Variants in C10orf53 observed in about 807,000 individuals in gnomAD.
The protein encoded by C10orf53 is UPF0728 protein C10orf53.
C10orf53 carries 8 observed loss-of-function variants against 9.4 expected under a neutral mutation model. The ratio of observed to expected loss-of-function variants is 0.85; its 90% confidence interval spans 0.50 to 1.53. The LOEUF is 1.53. C10orf53 is among the 40% of genes most tolerant of loss of function. The pLI, the probability that C10orf53 is intolerant of heterozygous loss-of-function variation, is 0.00. For synonymous variants in C10orf53, 48 were observed against 46.0 expected (o/e 1.04, Z -0.18); for missense variants, 117 against 117.8 (o/e 0.99, Z 0.03).
intron 1 of C10orf53, among the ~76,000 whole-genome samples, chr10:49,683,942 T>C (rs1840503702): frequency 6.6e-6 from 1 of 152,212 alleles, no homozygotes; most frequent in African/African-American, 2.4e-5. Context: ...TATGCAGATT[T>C]GCCCCCATGT....
At chr10:49,698,737 T>C (rs899569983), downstream of C10orf53, among the ~76,000 whole-genome samples, 2 of 152,116 alleles carry the variant, frequency 1.3e-5, no homozygotes, top group African/African-American at 4.8e-5. Context: ...GAGACAGTGG[T>C]GTAATCAGGC....
At chr10:49,692,892 G>A (rs747324275) in intron 1 of C10orf53, among the ~76,000 whole-genome samples, 89 of 152,218 alleles carry the variant, frequency 5.8e-4, no homozygotes, top group Middle Eastern at 3.4e-3. Context: ...TAGTTCATTA[G>A]CTTTTCTAAA....
At chr10:49,688,761 G>A (rs770999071) in intron 1 of C10orf53, among the ~76,000 whole-genome samples, 1 of 152,098 alleles carries the variant, frequency 6.6e-6, no homozygotes, top group Non-Finnish European at 1.5e-5. Context: ...CGCCTGGAAC[G>A]CTCTTTCCTA....
chr10:49,701,500 G>A (rs1258329), downstream of C10orf53, among the ~76,000 whole-genome samples: 57,157 of 151,986 alleles, frequency 0.38, 12,874 homozygotes, highest in East Asian at 0.81. Context: ...TTTTTCATAC[G>A]TTTTAAGTCT....
rs778892175 is a variant in C10orf53 at position 49,694,580 on chromosome 10, T to C, written c.260T>C (p.Ile87Thr). The C allele has an allele frequency of 5.0e-6, 8 of 1,614,240 alleles. No homozygotes were observed. Among genetic ancestry groups the C allele is most frequent in the Non-Finnish European group, 2.5e-6 (3 of 1,180,034 alleles). ...GACCCACTGTGTGAAAAGGCCAGGA[T>C]AGCCGTGCTGAATGCCTACTGATCT... ...KLDPLCEKARIAVLNAY is the reference protein window; with the variant it reads ...KLDPLCEKARTAVLNAY Residue 87 changes from isoleucine (I) to threonine (T), a missense_variant, in exon 3 of 3, where the codon ATA becomes ACA. Physicochemically the swap from Ile to Thr is moderately conservative, Grantham distance 89. Transcript: ENST00000374111.
Position 49,694,547 on chromosome 10 carries a change from G to A in C10orf53, c.227G>A (p.Gly76Asp), listed in dbSNP as rs145249659. Residue 76 changes from glycine to aspartate, a missense_variant, in exon 3 of 3, where the codon GGT becomes GAT. Physicochemically the swap from Gly to Asp is moderately conservative, Grantham distance 94 (BLOSUM62 -1). Transcript: ENST00000374111. ...NIKDLEFGGD[G>D]KLDPLCEKAR... ...ATATCTGTTTCCCTAGGAGGCGATG[G>A]TAAACTAGACCCACTGTGTGAAAAG... 6.9e-5 allele frequency: 112 copies of A among 1,614,196 alleles called. No homozygotes were observed. In the East Asian group the frequency reaches 2.4e-3, roughly 35 times the overall value.
chr10:49,686,000 C>T (rs911092058), intron 1 of C10orf53, among the ~76,000 whole-genome samples: 2 of 152,108 alleles, frequency 1.3e-5, no homozygotes, highest in African/African-American at 4.8e-5. Flanking sequence ...CACAGGTCTC[C>T]AGGGCTGTTC....
chr10:49,686,705 A>C (rs1840532483), intron 1 of C10orf53, among the ~76,000 whole-genome samples: 1 of 152,166 alleles, frequency 6.6e-6, no homozygotes, highest in South Asian at 2.1e-4. Flanking sequence ...GCTTACTAGG[A>C]TTGAGAAATT....
intron 1 of C10orf53, among the ~76,000 whole-genome samples, chr10:49,684,517 T>G (rs560996371): frequency 1.3e-5 from 2 of 152,314 alleles, no homozygotes; most frequent in South Asian, 4.1e-4. Flanking sequence ...TTTATTTAGA[T>G]CTTTCTTAAT....
chr10:49,682,153 CATTA>C (rs1840485028), intron 1 of C10orf53, among the ~76,000 whole-genome samples: 1 of 152,162 alleles, frequency 6.6e-6, no homozygotes, highest in Admixed American at 6.5e-5. Flanking sequence ...AATTCAGTGA[CATTA>C]ATTATCTTTA....
chr10:49,694,422 T>G, intron 2 of C10orf53, 116 bp from the exon 3 acceptor site: 2 of 1,386,168 alleles, frequency 1.4e-6, no homozygotes, highest in Non-Finnish European at 2.0e-6. Flanking sequence ...CTAGTTAACA[T>G]TTTACCAGCC....
chr10:49,688,174 AC>A (rs1840547255), intron 1 of C10orf53, among the ~76,000 whole-genome samples: 2 of 151,782 alleles, frequency 1.3e-5, no homozygotes, highest in East Asian at 3.9e-4. Flanking sequence ...CCTAGCACTC[AC>A]CCCCACCAGC....
chr10:49,686,155 T>A (rs767075947), intron 1 of C10orf53, among the ~76,000 whole-genome samples: 2 of 152,168 alleles, frequency 1.3e-5, no homozygotes, highest in Non-Finnish European at 2.9e-5. Context: ...TTCCCAAAAT[T>A]AATACTTTTA....
exon 3 of C10orf53, chr10:49,708,457 T>C (rs1285823512): frequency 6.2e-7 from 1 of 1,614,158 alleles, no homozygotes; most frequent in Admixed American, 1.7e-5. Context: ...GTTTCTCCTT[T>C]GCAACAGTTC....
In C10orf53 at chr10:49,679,781, G is replaced by T. The variant is rs144285786; in HGVS notation, c.84G>T (p.Leu28=). 1.9e-3 allele frequency: 2,900 copies of T among 1,540,588 alleles called. 3 individuals carry two copies. Among genetic ancestry groups the T allele is most frequent in the Non-Finnish European group, 2.2e-3 (2,568 of 1,143,532 alleles). The part of the protein sequence containing the change: ...GLPVEHHTFR[L]QGLQAVLAID... The stretch of plus-strand genomic sequence containing the variant: ...CGGTGGAGCACCACACCTTCCGCCT[G>T]CAGGGCCTGCAAGGTGGGCCTCCTC... The change falls in exon 1 of 3, where the codon CTG becomes CTT. Residue 28 remains leucine (L), a synonymous_variant. Transcript: ENST00000374111.
intron 2 of C10orf53, among the ~76,000 whole-genome samples, chr10:49,707,798 A>C (rs554580000): frequency 2.6e-5 from 4 of 152,122 alleles, no homozygotes; most frequent in Non-Finnish European, 4.4e-5. Context: ...AACTGTCTTC[A>C]GAGGGATGTA....
At chr10:49,681,184 C>CT (rs1313169216) in intron 1 of C10orf53, among the ~76,000 whole-genome samples, 1 of 152,142 alleles carries the variant, frequency 6.6e-6, no homozygotes, top group Non-Finnish European at 1.5e-5. Context: ...TTTCGGCTAC[C>CT]TAGACAGAGG....
chr10:49,708,905 C>G, exon 3 of C10orf53: 1 of 416,792 alleles, frequency 2.4e-6, no homozygotes, highest in Non-Finnish European at 4.3e-6. Context: ...CTGAAGTGAA[C>G]TGATCTGCCC....
At chr10:49,704,653 A>T (rs1369207708) in intron 2 of C10orf53, among the ~76,000 whole-genome samples, 1 of 152,192 alleles carries the variant, frequency 6.6e-6, no homozygotes, top group Admixed American at 6.5e-5. Context: ...CCAAGGTGGG[A>T]GAATTGCTTG....
Sources: allele counts gnomAD v4.1 joint callset (sites outside exome capture counted in the v4.1 genomes callset), GRCh38; gene constraint gnomAD v4.1.1; transcripts MANE v1.5; gene names NCBI Gene and HGNC (gene_info 2026-07-23, HGNC 2026-07-21).